The following RPL13A variants were observed in gnomAD, a reference collection of about 807,000 sequenced individuals.
The protein encoded by RPL13A is large ribosomal subunit protein uL13.
Under a neutral mutation model 30.8 loss-of-function variants are expected in RPL13A, and 4 were observed. That is an observed-to-expected ratio of 0.13 (90% confidence interval 0.06 to 0.30). The LOEUF (loss-of-function observed/expected upper bound fraction) is 0.30, where lower values mean the gene tolerates loss of function less well. Ranked by LOEUF, RPL13A falls within the 10% of genes least tolerant of loss-of-function variation. The probability of loss-of-function intolerance (pLI) is 1.00; values close to 1 mark genes in which losing one functional copy is unlikely to be tolerated. For missense variants in RPL13A, 196 were observed against 272.6 expected (o/e 0.72, Z 1.98); for synonymous variants, 108 against 104.2 (o/e 1.04, Z -0.22).
rs374226953 is a variant in RPL13A at position 49,489,961 on chromosome 19, G to A, written c.88+39G>A. The A allele has an allele frequency of 7.9e-5, 118 of 1,489,902 alleles. No homozygotes were observed. In the Middle Eastern group the frequency reaches 8.5e-4, roughly 11 times the overall value. 92.3% of individuals were successfully genotyped at this position (1,489,902 alleles called of 1,614,324 possible). Reference sequence around the variant, plus strand: ...CGTGGCCCCTCTGTCATGGGCCCCCGCTGGAGGTCAGTGATGAGCAACATT... The same window carrying A: ...CGTGGCCCCTCTGTCATGGGCCCCCACTGGAGGTCAGTGATGAGCAACATT... On this transcript the variant is annotated intron_variant, in intron 2 of 7. Transcript: ENST00000391857.
intron 1 of RPL13A, among the ~76,000 whole-genome samples, chr19:49,488,756 A>G (rs549011559): frequency 6.6e-6 from 1 of 152,212 alleles, no homozygotes; most frequent in African/African-American, 2.4e-5. Flanking sequence ...CCCAGGCTGG[A>G]GTGCAATGGT....
At chr19:49,491,151 G>A in intron 6 of RPL13A, 52 bp downstream of exon 6, 1 of 1,597,574 alleles carries the variant, frequency 6.3e-7, no homozygotes, top group Non-Finnish European at 8.6e-7. Context: ...CAGGCCTGCT[G>A]AGGGACCTGG....
chr19:49,487,692 A>G (rs770310461), intron 1 of RPL13A, 48 bp downstream of exon 1: 4 of 1,485,240 alleles, frequency 2.7e-6, no homozygotes, highest in Non-Finnish European at 3.6e-6. Context: ...GGTGGGATCC[A>G]GGCCGGAATG....
At position 49,487,626 on chromosome 19, in the gene RPL13A, G is replaced by A. The variant is rs1454407900; in HGVS notation, c.-4G>A. 1.3e-6 allele frequency: 2 copies of A among 1,575,138 alleles called. No individual in the cohort carries two copies. Among genetic ancestry groups the A allele is most frequent in the Non-Finnish European group, 1.7e-6 (2 of 1,161,412 alleles). ...CCTCCTCCTTTTCCAAGCGGCTGCC[G>A]AAGATGGCGGAGGTGCAGGTATGGG... On this transcript the variant is annotated 5_prime_UTR_variant, in exon 1 of 8. Transcript: ENST00000391857.
At chr19:49,489,341 AAG>A (rs942355842) in intron 1 of RPL13A, among the ~76,000 whole-genome samples, 1 of 152,066 alleles carries the variant, frequency 6.6e-6, no homozygotes, top group African/African-American at 2.4e-5. Flanking sequence ...ACAAAAAAAA[AAG>A]TACAAAAATT....
At chr19:49,488,021 G>C (rs1313480750) in intron 1 of RPL13A, among the ~76,000 whole-genome samples, 2 of 152,092 alleles carry the variant, frequency 1.3e-5, no homozygotes, top group Non-Finnish European at 2.9e-5. Context: ...GGGCGGTCTC[G>C]GGGCAATGAG....
Position 49,490,867 on chromosome 19 carries a change from G to A in RPL13A, c.342+3G>A, listed in dbSNP as rs369840212. On this transcript the variant is annotated splice_donor_region_variant and intron_variant, in intron 5 of 7. Coordinates refer to ENST00000391857, the MANE Select transcript of RPL13A (RefSeq NM_012423.4). ...GCATCCCACCGCCCTACGACAAGGT[G>A]AGCTATGCCAAACCCCACAGGCAGC... The A allele has an allele frequency of 1.2e-6, 2 of 1,614,026 alleles. No individual in the cohort carries two copies. Among genetic ancestry groups the A allele is most frequent in the African/African-American group, 2.7e-5 (2 of 74,950 alleles).
Position 49,491,577 on chromosome 19 carries a change from C to A in RPL13A, c.525+30C>A, listed in dbSNP as rs368833494. 4.1e-5 allele frequency: 63 copies of A among 1,554,072 alleles called. No individual in the cohort carries two copies. In the African/African-American group the frequency reaches 8.5e-4, roughly 21 times the overall value. On this transcript the variant is annotated intron_variant, in intron 7 of 7. Transcript: ENST00000391857. The stretch of plus-strand genomic sequence containing the variant: ...GGCCAGGGGCTGGTGCTGAGGGGGG[C>A]ATCTCACTCCTGGACAGGCCTGGCA...
chr19:49,491,420 C>CCCCCCCCCCCCCCCCCCCCCCG lies in RPL13A; in HGVS notation c.403-5_403-4insCCCCCCCCCCCCCCCCCCCCCG. The CCCCCCCCCCCCCCCCCCCCCCG allele has an allele frequency of 9.3e-7, 1 of 1,071,834 alleles. No homozygotes were observed. The highest frequency in any genetic ancestry group is 1.3e-6 in the Non-Finnish European group (1 of 795,166). The allele number at this position is 1,071,834 out of a possible 1,614,324, so 66.4% of individuals were successfully genotyped here. A position where few individuals can be genotyped will look rare whatever the true frequency, so the allele number is the denominator to read the frequency against. ...TTTGTTCACCCCCCCCCCCCCCCCC[C>CCCCCCCCCCCCCCCCCCCCCCG]GCAGTTTGCCTATCTGGGGCGCCTG... On this transcript the variant is annotated splice_polypyrimidine_tract_variant and splice_region_variant and intron_variant, in intron 6 of 7. Coordinates refer to ENST00000391857, the MANE Select transcript of RPL13A (RefSeq NM_012423.4).
chr19:49,491,572 G>A (rs139958890), intron 7 of RPL13A, 25 bp downstream of exon 7: 3 of 1,554,046 alleles, frequency 1.9e-6, no homozygotes, highest in African/African-American at 1.4e-5. Flanking sequence ...TGGTGCTGAG[G>A]GGGGCATCTC....
chr19:49,491,079 C>T lies in RPL13A; in HGVS notation c.382C>T (p.Arg128Cys). 1.2e-6 allele frequency: 2 copies of T among 1,614,184 alleles called. No individual in the cohort carries two copies. The highest frequency in any genetic ancestry group is 1.7e-6 in the Non-Finnish European group (2 of 1,180,038). Residue 128 changes from arginine to cysteine, a missense_variant, in exon 6 of 8, where the codon CGT becomes TGT. Transcript: ENST00000391857. ...GGTTCCTGCTGCCCTCAAGGTCGTG[C>T]GTCTGAAGCCTACAAGAAAGGTGAG... ...MVVPAALKVV[R>C]LKPTRKFAYL...
At chr19:49,489,697 T>C (rs778473049) in intron 1 of RPL13A, among the ~76,000 whole-genome samples, 153 bp from the exon 2 acceptor site, 41 of 152,248 alleles carry the variant, frequency 2.7e-4, no homozygotes, top group Non-Finnish European at 5.4e-4. Context: ...GTTCCTCATC[T>C]GTAGAACGGG....
intron 6 of RPL13A, 66 bp downstream of exon 6, chr19:49,491,165 C>A: frequency 6.4e-7 from 1 of 1,554,782 alleles, no homozygotes; most frequent in South Asian, 1.1e-5. Flanking sequence ...GACCTGGGGA[C>A]CTGGAGCCTG....
chr19:49,489,946 C>T lies in RPL13A; in HGVS notation c.88+24C>T, dbSNP rs749302076. The T allele has an allele frequency of 1.5e-5, 23 of 1,575,858 alleles. No individual in the cohort carries two copies. The South Asian group carries it at 2.4e-4, about 17-fold the overall frequency. On this transcript the variant is annotated intron_variant, in intron 2 of 7. Coordinates refer to ENST00000391857, the MANE Select transcript of RPL13A (RefSeq NM_012423.4). ...GGGTAAGTCGCTGCTCGTGGCCCCT[C>T]TGTCATGGGCCCCCGCTGGAGGTCA...
chr19:49,488,855 G>A (rs888316628), intron 1 of RPL13A, among the ~76,000 whole-genome samples: 6 of 152,172 alleles, frequency 3.9e-5, no homozygotes, highest in African/African-American at 1.4e-4. Context: ...GCAGGTGCCT[G>A]CCACGACGCT....
chr19:49,489,755 G>A, intron 1 of RPL13A, 95 bp from the exon 2 acceptor site: 1 of 1,026,902 alleles, frequency 9.7e-7, no homozygotes, highest in African/African-American at 1.6e-5. Context: ...AAGGCACGCT[G>A]TTGGCACGGT....
intron 1 of RPL13A, among the ~76,000 whole-genome samples, chr19:49,488,004 T>C (rs994957402): frequency 6.6e-6 from 1 of 151,940 alleles, no homozygotes; most frequent in Non-Finnish European, 1.5e-5. Context: ...CACGCGGAAG[T>C]GTGGCCGGGC....
chr19:49,490,262 G>A lies in RPL13A; in HGVS notation c.119G>A (p.Gly40Asp), dbSNP rs199838441. The A allele has an allele frequency of 2.2e-4, 359 of 1,614,184 alleles. No homozygotes were observed. Among genetic ancestry groups the A allele is most frequent in the Middle Eastern group, 1.3e-3 (8 of 6,054 alleles). Residue 40 changes from glycine to aspartate, a missense_variant, in exon 3 of 8, where the codon GGC (glycine) becomes GAC (aspartate). Physicochemically the swap from Gly to Asp is moderately conservative, Grantham distance 94. Coordinates refer to ENST00000391857, the MANE Select transcript of RPL13A (RefSeq NM_012423.4). Reference protein sequence around the residue: ...GRKVVVVRCEGINISGNFYRN... With the variant: ...GRKVVVVRCEDINISGNFYRN... ...AAGGTGGTGGTCGTACGCTGTGAAG[G>A]CATCAACATTTCTGGCAATTTCTAC...
At position 49,491,731 on chromosome 19, in the gene RPL13A, G is replaced by A. The variant is rs1023136668; in HGVS notation, c.528G>A (p.Arg176=). The change falls in exon 8 of 8, where the codon AGG becomes AGA. Residue 176 remains arginine (R), a splice_region_variant and synonymous_variant. Transcript: ENST00000391857. ...CCACCTGCACTTATTCTTGGCAGAGGCTACGGAAACAGGCCGAGAAGAACG... is the reference window on the plus strand; with the variant it reads ...CCACCTGCACTTATTCTTGGCAGAGACTACGGAAACAGGCCGAGAAGAACG... ...IHYRKKKQLM[R]LRKQAEKNVE... 1.4e-5 allele frequency: 23 copies of A among 1,613,188 alleles called. No homozygotes were observed. The highest frequency in any genetic ancestry group is 3.3e-5 in the Admixed American group (2 of 59,838).
Sources: gnomAD v4.1 joint callset for allele counts (sites outside exome capture counted in the v4.1 genomes callset) on GRCh38, gnomAD v4.1.1 for gene constraint, MANE v1.5 for transcripts, NCBI Gene and HGNC (gene_info 2026-07-23, HGNC 2026-07-21) for gene names.